The following INPP4B variants were observed in gnomAD, a reference collection of about 807,000 sequenced individuals.
INPP4B encodes the protein inositol polyphosphate 4-phosphatase type II.
INPP4B carries 55 observed loss-of-function variants against 122.5 expected under a neutral mutation model. The observed-to-expected ratio is 0.45, with a 90% CI of 0.36 to 0.56. The LOEUF is 0.56. Ranked by LOEUF, INPP4B falls within the 20% of genes least tolerant of loss-of-function variation. INPP4B has a pLI of 0.00. For missense variants in INPP4B, 1,000 were observed against 1,097.7 expected, an observed-to-expected ratio of 0.91 and a Z score of 1.26; for synonymous variants, 403 against 388.7, an observed-to-expected ratio of 1.04 and a Z score of -0.43.
intron 17 of INPP4B, among the ~76,000 whole-genome samples, chr4:142,155,130 C>A (rs1313734947): frequency 4.0e-5 from 6 of 151,720 alleles, no homozygotes; most frequent in Non-Finnish European, 8.8e-5. Context: ...GGTAACCAAG[C>A]TATAAGGTGT....
chr4:142,292,823 C>T (rs868284561), intron 9 of INPP4B, among the ~76,000 whole-genome samples: 2 of 152,236 alleles, frequency 1.3e-5, no homozygotes, highest in African/African-American at 4.8e-5. Context: ...TCTCTACAAG[C>T]TAATTTGGTC....
chr4:142,473,915 C>A (rs1389668169), intron 2 of INPP4B, among the ~76,000 whole-genome samples: 1 of 152,174 alleles, frequency 6.6e-6, no homozygotes, highest in African/African-American at 2.4e-5. Flanking sequence ...ACCCCACCCA[C>A]CCTTGCCTTG....
At chr4:142,394,426 A>G (rs1422100417) in intron 7 of INPP4B, among the ~76,000 whole-genome samples, 1 of 152,130 alleles carries the variant, frequency 6.6e-6, no homozygotes, top group African/African-American at 2.4e-5. Flanking sequence ...ATTACAGGCT[A>G]CAGCCACCGC....
chr4:142,421,108 T>C (rs1806785051), intron 5 of INPP4B, among the ~76,000 whole-genome samples: 2 of 152,124 alleles, frequency 1.3e-5, no homozygotes, highest in South Asian at 2.1e-4. Flanking sequence ...CACTAGCAAG[T>C]TGGCATCATA....
intron 2 of INPP4B, among the ~76,000 whole-genome samples, chr4:142,715,937 G>C (rs1763699047): frequency 6.6e-6 from 1 of 152,170 alleles, no homozygotes; most frequent in Non-Finnish European, 1.5e-5. Context: ...TAGCTGGACT[G>C]TCAGCTGGAA....
chr4:142,598,391 T>A (rs972719056), intron 2 of INPP4B, among the ~76,000 whole-genome samples: 1 of 152,198 alleles, frequency 6.6e-6, no homozygotes, highest in Non-Finnish European at 1.5e-5. Context: ...CCTCTGAGAC[T>A]TAAGCAGCTG....
intron 1 of INPP4B, among the ~76,000 whole-genome samples, chr4:142,766,340 G>A (rs559350185): frequency 1.3e-5 from 2 of 151,480 alleles, no homozygotes; most frequent in Admixed American, 6.6e-5. Flanking sequence ...TAAATAATTC[G>A]TTTATGGTTA....
At chr4:142,288,472 T>C (rs1357203953) in intron 9 of INPP4B, among the ~76,000 whole-genome samples, 3 of 152,048 alleles carry the variant, frequency 2.0e-5, no homozygotes, top group Non-Finnish European at 4.4e-5. Flanking sequence ...TAGTCCCAGC[T>C]ACTCAGGAGG....
chr4:142,112,509 A>G (rs1413818366), intron 22 of INPP4B, 33 bp downstream of exon 22: 1 of 1,609,520 alleles, frequency 6.2e-7, no homozygotes, highest in Non-Finnish European at 8.5e-7. Context: ...AACAAAGAAA[A>G]ATCTCAAGTG....
intron 25 of INPP4B, among the ~76,000 whole-genome samples, chr4:142,031,461 T>G (rs951788774): frequency 6.6e-6 from 1 of 152,214 alleles, no homozygotes; most frequent in Non-Finnish European, 1.5e-5. Flanking sequence ...TCATACAATA[T>G]GAATTAGTGT....
At chr4:142,248,875 A>C (rs1357424493) in intron 11 of INPP4B, among the ~76,000 whole-genome samples, 1 of 152,132 alleles carries the variant, frequency 6.6e-6, no homozygotes, top group Non-Finnish European at 1.5e-5. Context: ...GGGAGAGGGT[A>C]GATGCTAAAT....
At chr4:142,432,710 T>C (rs1809596323) in intron 3 of INPP4B, among the ~76,000 whole-genome samples, 1 of 152,112 alleles carries the variant, frequency 6.6e-6, no homozygotes, top group South Asian at 2.1e-4. Context: ...TGTAGCAGAC[T>C]GCAAGGCATG....
chr4:142,336,454 G>A (rs185834301), intron 7 of INPP4B, among the ~76,000 whole-genome samples: 83 of 152,308 alleles, frequency 5.4e-4, no homozygotes, highest in African/African-American at 1.8e-3. Context: ...GCCAAGCCAC[G>A]GGTGGCGGGA....
chr4:142,633,546 A>G (rs916549183), intron 2 of INPP4B, among the ~76,000 whole-genome samples: 8 of 152,182 alleles, frequency 5.3e-5, no homozygotes, highest in Non-Finnish European at 7.3e-5. Context: ...TACACAGTGC[A>G]GTTAAGCAGC....
At chr4:142,276,441 T>C (rs1205263370) in intron 9 of INPP4B, among the ~76,000 whole-genome samples, 1 of 151,854 alleles carries the variant, frequency 6.6e-6, no homozygotes. Context: ...TAATGAAGTA[T>C]GGTTTAGTGG....
intron 2 of INPP4B, among the ~76,000 whole-genome samples, chr4:142,601,303 C>A (rs942530673): frequency 2.0e-5 from 3 of 151,872 alleles, no homozygotes; most frequent in African/African-American, 7.3e-5. Flanking sequence ...ATATGTTAGG[C>A]CACAAAACAA....
intron 1 of INPP4B, among the ~76,000 whole-genome samples, chr4:142,830,016 A>G (rs1781929832): frequency 6.6e-6 from 1 of 152,152 alleles, no homozygotes; most frequent in African/African-American, 2.4e-5. Flanking sequence ...GATGTAGAGG[A>G]CCTTTCTAGA....
At chr4:142,253,836 A>G (rs994614928) in intron 11 of INPP4B, among the ~76,000 whole-genome samples, 1 of 152,140 alleles carries the variant, frequency 6.6e-6, no homozygotes, top group African/African-American at 2.4e-5. Context: ...GGAAGCTCGA[A>G]CTCGGTGGAG....
chr4:142,246,217 G>A (rs1024888317), intron 11 of INPP4B, among the ~76,000 whole-genome samples: 20 of 151,722 alleles, frequency 1.3e-4, no homozygotes, highest in Non-Finnish European at 2.6e-4. Context: ...TTTGAAGTCA[G>A]GTAGCATGAT....
Sources: allele counts gnomAD v4.1 joint callset (sites outside exome capture counted in the v4.1 genomes callset), GRCh38; gene constraint gnomAD v4.1.1; transcripts MANE v1.5; gene names NCBI Gene and HGNC (gene_info 2026-07-23, HGNC 2026-07-21).